The following PRDM15 variants were observed in gnomAD, a reference collection of about 807,000 sequenced individuals.
PRDM15 encodes PR/SET domain 15.
A neutral mutation model predicts 128.6 loss-of-function variants in PRDM15; 64 were observed. The observed-to-expected ratio is 0.50, with a 90% confidence interval of 0.41 to 0.61. The LOEUF is 0.61. Ranked by LOEUF, PRDM15 falls within the 20% of genes least tolerant of loss-of-function variation. PRDM15 has a pLI of 0.00. For synonymous variants in PRDM15, 615 were observed against 621.8 expected, an observed-to-expected ratio of 0.99 and a Z score of 0.16; for missense variants, 1,242 against 1,569.1, an observed-to-expected ratio of 0.79 and a Z score of 3.52.
rs933466026 is a variant in PRDM15 at position 41,809,237 on chromosome 21, T to TC, written c.2652+916_2652+917insG. Reference sequence around the variant, plus strand: ...CCATGGCCTATGCAAATTTTTTCTTTTTTTTTTTTTTTTGAGATGGAATCT... The same window carrying TC: ...CCATGGCCTATGCAAATTTTTTCTTTCTTTTTTTTTTTTTGAGATGGAATCT... On this transcript the variant is annotated intron_variant, in intron 21 of 23. Transcript: ENST00000398548. 2.0e-5 allele frequency among the ~76,000 whole-genome samples: 3 copies of TC among 150,190 alleles called. No homozygotes were observed. In the East Asian group the frequency reaches 5.8e-4, roughly 29 times the overall value.
chr21:41,867,412 T>G, intron 1 of PRDM15: 8 of 1,473,666 alleles, frequency 5.4e-6, no homozygotes, highest in Non-Finnish European at 7.6e-6. Context: ...GCTGAGGCTC[T>G]ACACACTTCA....
At chr21:41,840,226 CAT>C (rs1453304110) in intron 6 of PRDM15, among the ~76,000 whole-genome samples, 1 of 152,092 alleles carries the variant, frequency 6.6e-6, no homozygotes, top group African/African-American at 2.4e-5. Flanking sequence ...AGGTGGATCA[CAT>C]GAGGTCAGGA....
intron 21 of PRDM15, among the ~76,000 whole-genome samples, chr21:41,807,556 G>A (rs1325470776): frequency 1.3e-5 from 2 of 151,604 alleles, no homozygotes; most frequent in Non-Finnish European, 2.9e-5. Flanking sequence ...GCTGTCTAGG[G>A]TCATCTCTTC....
chr21:41,850,096 A>C (rs1220436207), intron 5 of PRDM15, among the ~76,000 whole-genome samples: 1 of 152,246 alleles, frequency 6.6e-6, no homozygotes, highest in Non-Finnish European at 1.5e-5. Flanking sequence ...GGTGATTTTG[A>C]AAATTTTCTC....
chr21:41,819,507 T>C, intron 18 of PRDM15, 75 bp downstream of exon 18: 1 of 992,732 alleles, frequency 1.0e-6, no homozygotes, highest in South Asian at 1.6e-5. Flanking sequence ...CAGTTCTCGC[T>C]CATGTCCCCT....
intron 1 of PRDM15, among the ~76,000 whole-genome samples, chr21:41,875,929 C>T (rs779722642): frequency 6.6e-6 from 1 of 152,180 alleles, no homozygotes; most frequent in African/African-American, 2.4e-5. Flanking sequence ...TGTACATACA[C>T]AACCCTAGAT....
intron 21 of PRDM15, among the ~76,000 whole-genome samples, chr21:41,805,926 ACCAT>A (rs1305728673): frequency 2.0e-5 from 3 of 149,542 alleles, no homozygotes; most frequent in African/African-American, 7.4e-5. Context: ...CACTGTCACC[ACCAT>A]CATCAGTACC....
Position 41,821,822 on chromosome 21 carries a change from C to G in PRDM15, c.1896+81G>C. 1 of 1,546,804 alleles carries G rather than the reference C, an allele frequency of 6.5e-7. No individual in the cohort carries two copies. Among genetic ancestry groups the G allele is most frequent in the Non-Finnish European group, 8.9e-7 (1 of 1,129,070 alleles). On this transcript the variant is annotated intron_variant, in intron 15 of 23. Coordinates refer to ENST00000398548, the MANE Select transcript of PRDM15 (RefSeq NM_001040424.3). This position sits in a 1 kb window ranked among gnomAD's most constrained non-coding sequence, Gnocchi z 5.4. ...CTGCTTCCGAGATGCATGAAGGTGC[C>G]TGCTGTGTGGGGCCCACAGCCTTGA...
chr21:41,826,499 C>G (rs916070496), intron 12 of PRDM15, among the ~76,000 whole-genome samples: 2 of 152,154 alleles, frequency 1.3e-5, no homozygotes, highest in Admixed American at 6.5e-5. Context: ...TCATCTCTCG[C>G]AAATTAACAT....
chr21:41,851,751 G>A (rs539384276), intron 5 of PRDM15, among the ~76,000 whole-genome samples: 122 of 152,288 alleles, frequency 8.0e-4, no homozygotes, highest in African/African-American at 2.5e-3. Flanking sequence ...GAAGGAAAGG[G>A]AAGGAAGGAC....
In PRDM15 at chr21:41,862,166, A is replaced by G. The variant is rs976925681; in HGVS notation, c.-9-1794T>C. Among the ~76,000 whole-genome samples, 1 of 152,166 alleles carries G rather than the reference A, an allele frequency of 6.6e-6. No individual in the cohort carries two copies. Among genetic ancestry groups the G allele is most frequent in the Non-Finnish European group, 1.5e-5 (1 of 68,018 alleles). On this transcript the variant is annotated intron_variant, in intron 1 of 23. Transcript: ENST00000398548. This position sits in a 1 kb window ranked among gnomAD's most constrained non-coding sequence, Gnocchi z 4.1. ...GTTGCTGCTGTGCTACTGGAGGTGT[A>G]GGACCTGCGTGCCCCCTGCAGGAAC...
At chr21:41,866,694 G>C (rs2064019758) in intron 1 of PRDM15, among the ~76,000 whole-genome samples, 1 of 152,244 alleles carries the variant, frequency 6.6e-6, no homozygotes. Flanking sequence ...TTCTTGTCCA[G>C]ATATTCGTGG....
At position 41,865,943 on chromosome 21, in the gene PRDM15, C is replaced by T. The variant is rs560824347; in HGVS notation, c.-9-5571G>A. On this transcript the variant is annotated intron_variant, in intron 1 of 23. Coordinates refer to ENST00000398548, the MANE Select transcript of PRDM15 (RefSeq NM_001040424.3). The stretch of plus-strand genomic sequence containing the variant: ...AATTTTTTGTAGAGATTTGGTCTCA[C>T]TATGTTGGCCAGACTGGTCTCAAAC... Among the ~76,000 whole-genome samples, 32 of 152,184 alleles carry T rather than the reference C, an allele frequency of 2.1e-4. No homozygotes were observed. The East Asian group carries it at 5.6e-3, about 27-fold the overall frequency.
rs966601705 is a variant in PRDM15, at chr21:41,858,758, G to A, written c.131+834C>T. ...CAGTCCCTGAGGGTTCTGGGGAAGA[G>A]GGGGGTTGATGGGAAGAGGGGGGTT... On this transcript the variant is annotated intron_variant, in intron 3 of 23. Transcript: ENST00000398548. 2.6e-5 allele frequency among the ~76,000 whole-genome samples: 4 copies of A among 151,966 alleles called. No individual in the cohort carries two copies. In the East Asian group the frequency reaches 5.9e-4, roughly 22 times the overall value.
chr21:41,815,591 A>G, intron 19 of PRDM15, 114 bp downstream of exon 19: 2 of 1,411,008 alleles, frequency 1.4e-6, no homozygotes, highest in Non-Finnish European at 1.9e-6. Context: ...CCCGGCACTC[A>G]GTGGGAATCA....
intron 13 of PRDM15, among the ~76,000 whole-genome samples, chr21:41,824,936 T>A (rs2062415524): frequency 6.6e-6 from 1 of 152,254 alleles, no homozygotes; most frequent in African/African-American, 2.4e-5. Flanking sequence ...GCGGGCCTCC[T>A]GCGGGGGCCT....
At chr21:41,835,950 T>C (rs2062867511) in intron 10 of PRDM15, among the ~76,000 whole-genome samples, 163 bp downstream of exon 10, 3 of 81,472 alleles carry the variant, frequency 3.7e-5, no homozygotes, top group South Asian at 3.8e-4. Flanking sequence ...GCCGCTCTCC[T>C]CCCTCCCCCA....
At chr21:41,806,192 C>T (rs1474538432) in intron 21 of PRDM15, among the ~76,000 whole-genome samples, 1 of 15,890 alleles carries the variant, frequency 6.3e-5, no homozygotes, top group Non-Finnish European at 1.3e-4. Context: ...ACCACCATCA[C>T]CACCACCACC....
chr21:41,842,730 C>T (rs189807086), intron 6 of PRDM15, among the ~76,000 whole-genome samples: 284 of 150,586 alleles, frequency 1.9e-3, no homozygotes, highest in African/African-American at 6.6e-3. Flanking sequence ...ACCTCGTGAT[C>T]TGCCTGCCTC....
Sources: gnomAD v4.1 joint callset for allele counts (sites outside exome capture counted in the v4.1 genomes callset) on GRCh38, gnomAD v4.1.1 for gene constraint, Gnocchi (gnomAD v3.1) non-coding constraint, MANE v1.5 for transcripts, NCBI Gene and HGNC (gene_info 2026-07-23, HGNC 2026-07-21) for gene names.